The following SUPT3H variants were observed in gnomAD, a reference collection of about 807,000 sequenced individuals.
SUPT3H encodes the protein SPT3 homolog, SAGA and STAGA complex component.
SUPT3H carries 44 observed loss-of-function variants against 44.3 expected under a neutral mutation model. The ratio of observed to expected loss-of-function variants is 0.99; its 90% CI spans 0.78 to 1.28. SUPT3H has a LOEUF of 1.28. Among genes scored for constraint, SUPT3H ranks in the 50% most tolerant of loss-of-function variants. The pLI, the probability that SUPT3H is intolerant of heterozygous loss-of-function variation, is 0.00. For missense variants in SUPT3H, 380 were observed against 387.1 expected (o/e 0.98, Z 0.15); for synonymous variants, 124 against 125.6 (o/e 0.99, Z 0.09).
chr6:45,313,094 CAAT>C (rs1296349974), intron 2 of SUPT3H, among the ~76,000 whole-genome samples: 1 of 152,032 alleles, frequency 6.6e-6, no homozygotes, highest in African/African-American at 2.4e-5. Flanking sequence ...AACTGAATGA[CAAT>C]AATGACATAA....
chr6:45,059,823 C>A (rs1791697637), intron 3 of SUPT3H, among the ~76,000 whole-genome samples: 1 of 151,996 alleles, frequency 6.6e-6, no homozygotes, highest in South Asian at 2.1e-4. Flanking sequence ...AGAGCCAAAT[C>A]ATAAATGAAC....
intron 3 of SUPT3H, among the ~76,000 whole-genome samples, chr6:45,084,852 A>T (rs1379112516): frequency 1.3e-5 from 2 of 152,206 alleles, no homozygotes; most frequent in East Asian, 3.8e-4. Context: ...TAAGTGAGTT[A>T]ATGCAGGAAC....
At chr6:45,285,973 G>C (rs7760298) in intron 2 of SUPT3H, among the ~76,000 whole-genome samples, 127,806 of 132,834 alleles carry the variant, frequency 0.96, 61,546 homozygotes, top group East Asian at 1. Context: ...TTTGACAAAC[G>C]TGACAAAAAC....
At chr6:45,072,331 A>G (rs904983374) in intron 3 of SUPT3H, among the ~76,000 whole-genome samples, 3 of 152,160 alleles carry the variant, frequency 2.0e-5, no homozygotes, top group Admixed American at 6.5e-5. Context: ...AAACTGATAA[A>G]ATGTTTTCTT....
At chr6:44,818,197 C>G (rs953262448) in intron 11 of SUPT3H, among the ~76,000 whole-genome samples, 6 of 151,984 alleles carry the variant, frequency 3.9e-5, no homozygotes, top group African/African-American at 1.4e-4. Flanking sequence ...TAATTCAACA[C>G]AGAAAGGATA....
At chr6:45,235,477 T>C (rs535096963) in intron 2 of SUPT3H, among the ~76,000 whole-genome samples, 1 of 152,074 alleles carries the variant, frequency 6.6e-6, no homozygotes, top group Admixed American at 6.6e-5. Context: ...AATATATGTA[T>C]TTGATAACTT....
At chr6:45,038,583 A>T (rs1400528588) in intron 3 of SUPT3H, among the ~76,000 whole-genome samples, 1 of 152,208 alleles carries the variant, frequency 6.6e-6, no homozygotes, top group Non-Finnish European at 1.5e-5. Context: ...GCTTTAAAAC[A>T]TGTACAAATA....
intron 4 of SUPT3H, among the ~76,000 whole-genome samples, chr6:45,016,479 G>A (rs1034372956): frequency 7.1e-6 from 1 of 141,122 alleles, no homozygotes; most frequent in Non-Finnish European, 1.5e-5. Context: ...TATATCTCAT[G>A]CTAACCCTCC....
At chr6:44,972,776 T>A (rs1447063220) in intron 6 of SUPT3H, among the ~76,000 whole-genome samples, 1 of 152,220 alleles carries the variant, frequency 6.6e-6, no homozygotes. Context: ...CAACACCATG[T>A]GGAAGCTGCC....
At chr6:44,989,005 G>T (rs1044094526) in intron 6 of SUPT3H, among the ~76,000 whole-genome samples, 11 of 152,162 alleles carry the variant, frequency 7.2e-5, no homozygotes, top group South Asian at 2.1e-4. Flanking sequence ...ATGCCTCAGA[G>T]ATCCCACAAT....
At chr6:44,990,070 C>T (rs1780389417) in intron 6 of SUPT3H, among the ~76,000 whole-genome samples, 1 of 152,020 alleles carries the variant, frequency 6.6e-6, no homozygotes. Context: ...AAAATCTTAC[C>T]AAGGCCAACG....
At chr6:45,062,111 T>C (rs1480171958) in intron 3 of SUPT3H, among the ~76,000 whole-genome samples, 1 of 151,962 alleles carries the variant, frequency 6.6e-6, no homozygotes, top group African/African-American at 2.4e-5. Flanking sequence ...CCTTATCTAG[T>C]ATTTACACTG....
intron 1 of SUPT3H, among the ~76,000 whole-genome samples, chr6:45,374,279 A>C (rs1459646362): frequency 6.6e-6 from 1 of 152,220 alleles, no homozygotes; most frequent in East Asian, 1.9e-4. Flanking sequence ...TATCACTTCT[A>C]GATTATCCAA....
chr6:45,195,712 T>C (rs536985726), intron 2 of SUPT3H, among the ~76,000 whole-genome samples: 1 of 152,290 alleles, frequency 6.6e-6, no homozygotes, highest in African/African-American at 2.4e-5. Flanking sequence ...GATTTTTATA[T>C]TTGTTCATAT....
intron 6 of SUPT3H, among the ~76,000 whole-genome samples, chr6:45,000,931 A>G (rs1781931703): frequency 6.6e-6 from 1 of 152,158 alleles, no homozygotes. Flanking sequence ...TTACAAACTT[A>G]GGGGCTTACA....
chr6:44,890,746 C>G (rs1157968855), intron 10 of SUPT3H, among the ~76,000 whole-genome samples: 2 of 143,010 alleles, frequency 1.4e-5, no homozygotes, highest in Non-Finnish European at 1.5e-5. Context: ...TACCCTAAAA[C>G]TTAAAGTATA....
intron 2 of SUPT3H, among the ~76,000 whole-genome samples, chr6:45,127,816 CT>C (rs1802671025): frequency 1.3e-5 from 2 of 151,998 alleles, no homozygotes; most frequent in African/African-American, 4.8e-5. Flanking sequence ...ATTTTTCTTT[CT>C]GTTCTAACAT....
intron 3 of SUPT3H, among the ~76,000 whole-genome samples, chr6:45,060,707 G>A (rs1014189305): frequency 6.6e-6 from 1 of 152,036 alleles, no homozygotes; most frequent in Non-Finnish European, 1.5e-5. Flanking sequence ...ATGAGATAAA[G>A]GTCTAATATC....
chr6:45,139,375 T>C (rs1465273793), intron 2 of SUPT3H, among the ~76,000 whole-genome samples: 7 of 152,160 alleles, frequency 4.6e-5, no homozygotes, highest in African/African-American at 1.4e-4. Context: ...TAGGGGAAGA[T>C]GGCAGAGAGG....
Sources: allele counts gnomAD v4.1 joint callset (sites outside exome capture counted in the v4.1 genomes callset), GRCh38; gene constraint gnomAD v4.1.1; transcripts MANE v1.5; gene names NCBI Gene and HGNC (gene_info 2026-07-23, HGNC 2026-07-21).